The following GOLGA4 variants were observed in gnomAD, a reference collection of about 807,000 sequenced individuals.
GOLGA4 encodes golgin subfamily A member 4.
In GOLGA4, 169 loss-of-function variants were observed where a neutral mutation model predicts 265.9. The observed-to-expected ratio is 0.64, with a 90% CI of 0.56 to 0.72. GOLGA4 has a LOEUF of 0.72. Among genes scored for constraint, GOLGA4 ranks in the 30% least tolerant of loss-of-function variants. The probability of loss-of-function intolerance (pLI) is 0.00; values close to 1 mark genes in which losing one functional copy is unlikely to be tolerated. For missense variants in GOLGA4, 2,482 were observed against 2,483.4 expected, an observed-to-expected ratio of 1.00 and a Z score of 0.01; for synonymous variants, 923 against 855.8, an observed-to-expected ratio of 1.08 and a Z score of -1.37.
chr3:37,251,623 G>GTTT, intron 2 of GOLGA4, 139 bp downstream of exon 2: 1 of 484,538 alleles, frequency 2.1e-6, no homozygotes, highest in Non-Finnish European at 3.5e-6. Flanking sequence ...AACACAATTG[G>GTTT]TCTTTTTTTT....
rs1021207787 is a variant in GOLGA4 at position 37,327,514 on chromosome 3, G to A, written c.5628G>A (p.Glu1876=). The A allele has an allele frequency of 1.9e-6, 3 of 1,613,152 alleles. No homozygotes were observed. In the South Asian group the frequency reaches 3.3e-5, roughly 18 times the overall value. The change falls in exon 14 of 24, where the codon GAG becomes GAA. Residue 1876 remains glutamate, a synonymous_variant. Transcript: ENST00000361924. ...AAGTACATAGAGTTGAAATGGAAGA[G>A]TTGACCTCAAAATATGAAAAATTAC... ...QKEVHRVEME[E]LTSKYEKLQA...
chr3:37,275,906 T>G, intron 2 of GOLGA4: 1 of 1,613,582 alleles, frequency 6.2e-7, no homozygotes, highest in Non-Finnish European at 8.5e-7. Flanking sequence ...TCTCATCAAA[T>G]CCTGGAAAAA....
intron 2 of GOLGA4, among the ~76,000 whole-genome samples, chr3:37,277,369 C>G (rs571177722): frequency 1.3e-5 from 2 of 152,262 alleles, no homozygotes; most frequent in African/African-American, 2.4e-5. Context: ...TCATAAATCC[C>G]CTCATAGGCA....
Position 37,323,529 on chromosome 3 carries a change from A to G in GOLGA4, c.1702-59A>G, listed in dbSNP as rs200926250. The G allele has an allele frequency of 4.1e-6, 4 of 973,550 alleles. No individual in the cohort carries two copies. In the East Asian group the frequency reaches 7.2e-5, roughly 18 times the overall value. The allele number at this position is 973,550 out of a possible 1,614,324, so 60.3% of individuals were successfully genotyped here. ...TAGGTGGTAGACATCATGTCTGTGT[A>G]TCATTGTTAGTAGACAAGTACGTAC... is the stretch of plus-strand genomic sequence containing the variant. On this transcript the variant is annotated intron_variant, in intron 13 of 23. Coordinates refer to ENST00000361924, the MANE Select transcript of GOLGA4 (RefSeq NM_002078.5).
At chr3:37,339,184 T>C (rs2097024618) in intron 19 of GOLGA4, among the ~76,000 whole-genome samples, 1 of 152,046 alleles carries the variant, frequency 6.6e-6, no homozygotes, top group South Asian at 2.1e-4. Flanking sequence ...TTTTTCAGCT[T>C]AGCGTGATGT....
Position 37,358,986 on chromosome 3 carries a change from C to T in GOLGA4, c.6664-2257C>T, listed in dbSNP as rs184867404. ...ACTATCTCTAAGGTTTCTTTCCCCA[C>T]AAAGTATAAAATCTTGTTTTATATT... On this transcript the variant is annotated intron_variant, in intron 22 of 23. Transcript: ENST00000361924. Among the ~76,000 whole-genome samples the T allele has an allele frequency of 5.3e-3, 808 of 152,272 alleles. 3 individuals are homozygous for T. The highest frequency in any genetic ancestry group is 9.4e-3 in the Admixed American group (143 of 15,290).
rs1162499799 is a variant in GOLGA4, at chr3:37,323,722, C to T, written c.1836C>T (p.His612=). 1 of 1,613,710 alleles carries T rather than the reference C, an allele frequency of 6.2e-7. No homozygotes were observed. The highest frequency in any genetic ancestry group is 1.1e-5 in the South Asian group (1 of 90,948). The change falls in exon 14 of 24, where the codon CAC becomes CAT. Residue 612 remains histidine, a synonymous_variant. Transcript: ENST00000361924. ...NKEITVMVEK[H]KTELESLKHQ... is the part of the protein sequence containing the mutation. ...AGATTACAGTCATGGTTGAAAAACA[C>T]AAGACAGAATTGGAAAGCCTTAAGC...
At chr3:37,340,054 G>A in intron 19 of GOLGA4, 70 bp from the exon 20 acceptor site, 1 of 676,900 alleles carries the variant, frequency 1.5e-6, no homozygotes, top group Non-Finnish European at 2.6e-6. Context: ...TGTGGTGACA[G>A]CAATCTTTCT....
At chr3:37,334,726 C>T (rs1438242034) in intron 16 of GOLGA4, among the ~76,000 whole-genome samples, 1 of 152,000 alleles carries the variant, frequency 6.6e-6, no homozygotes, top group Non-Finnish European at 1.5e-5. Flanking sequence ...AACCTGGGAA[C>T]CCTAGTTTAA....
chr3:37,267,296 G>A (rs1285622045), intron 2 of GOLGA4, among the ~76,000 whole-genome samples: 5 of 152,114 alleles, frequency 3.3e-5, no homozygotes, highest in South Asian at 2.1e-4. Context: ...ATTGATGGGC[G>A]GTTAAGAATA....
chr3:37,292,638 G>C (rs924560065), intron 5 of GOLGA4, among the ~76,000 whole-genome samples: 2 of 151,868 alleles, frequency 1.3e-5, no homozygotes, highest in Non-Finnish European at 2.9e-5. Flanking sequence ...AGTGAGCCTA[G>C]ATCGCACCAC....
In GOLGA4 at chr3:37,302,288, A is replaced by G. The variant is rs777495568; in HGVS notation, c.1190A>G (p.Gln397Arg). 1.9e-6 allele frequency: 3 copies of G among 1,613,656 alleles called. No individual in the cohort carries two copies. Among genetic ancestry groups the G allele is most frequent in the East Asian group, 2.2e-5 (1 of 44,864 alleles). The change falls in exon 10 of 24, where the codon CAG (glutamine) becomes CGG (arginine). Residue 397 changes from glutamine to arginine, a missense_variant. Physicochemically the swap from Gln to Arg is conservative, Grantham distance 43. Transcript: ENST00000361924. ...LRSRIKQMTT[Q>R]GEELREQKEK... ...AGTCGCATCAAACAGATGACTACCC[A>G]GGGAGAGGAATTACGGGAACAGAAA...
chr3:37,328,909 A>C, intron 15 of GOLGA4, 54 bp from the exon 16 acceptor site: 1 of 1,392,700 alleles, frequency 7.2e-7, no homozygotes, highest in Non-Finnish European at 9.7e-7. Flanking sequence ...TGAGATACAA[A>C]TATTAACTCT....
chr3:37,277,103 A>G (rs2096821510), intron 2 of GOLGA4, among the ~76,000 whole-genome samples: 1 of 152,124 alleles, frequency 6.6e-6, no homozygotes, highest in African/African-American at 2.4e-5. Context: ...AATGTACATA[A>G]TTTTGAGGTA....
intron 23 of GOLGA4, among the ~76,000 whole-genome samples, chr3:37,364,383 G>A (rs1400850820): frequency 3.3e-5 from 5 of 151,940 alleles, no homozygotes; most frequent in Admixed American, 6.6e-5. Flanking sequence ...TGGGGTTACA[G>A]GTGCCCGCCA....
intron 16 of GOLGA4, 114 bp from the exon 17 acceptor site, chr3:37,334,939 A>G (rs1359922202): frequency 1.7e-6 from 1 of 605,052 alleles, no homozygotes; most frequent in Non-Finnish European, 3.0e-6. Flanking sequence ...ATTTCCCTAC[A>G]GAGGTAGTTT....
intron 23 of GOLGA4, among the ~76,000 whole-genome samples, chr3:37,365,111 G>A (rs115271946): frequency 0.039 from 5,863 of 152,156 alleles, 146 homozygotes; most frequent in African/African-American, 0.056. Flanking sequence ...TGCCCAGGCT[G>A]TTTTTAATTT....
intron 1 of GOLGA4, among the ~76,000 whole-genome samples, chr3:37,247,639 A>G (rs1414711571): frequency 6.6e-6 from 1 of 152,214 alleles, no homozygotes; most frequent in East Asian, 1.9e-4. Context: ...ATAGTTCTGT[A>G]GGTCAGAAGT....
intron 10 of GOLGA4, among the ~76,000 whole-genome samples, chr3:37,309,819 C>G (rs2096918212): frequency 6.6e-6 from 1 of 152,158 alleles, no homozygotes; most frequent in South Asian, 2.1e-4. Flanking sequence ...CTTACATAGA[C>G]ACGTATTTGG....
Sources: allele counts gnomAD v4.1 joint callset (sites outside exome capture counted in the v4.1 genomes callset), GRCh38; gene constraint gnomAD v4.1.1; transcripts MANE v1.5; gene names NCBI Gene and HGNC (gene_info 2026-07-23, HGNC 2026-07-21).